SVOP: variants seen among roughly 807,000 people sequenced by gnomAD.
SVOP encodes the protein synaptic vesicle 2-related protein.
In SVOP, 17 loss-of-function variants were observed where a neutral mutation model predicts 69.1. That is an observed-to-expected ratio of 0.25 (90% confidence interval 0.17 to 0.37). SVOP has a LOEUF of 0.37. Among genes scored for constraint, SVOP ranks in the 10% least tolerant of loss-of-function variants. SVOP has a pLI of 1.00. For missense variants in SVOP, 435 were observed against 597.5 expected (o/e 0.73, Z 2.84); for synonymous variants, 238 against 238.6 (o/e 1.00, Z 0.02).
intron 7 of SVOP, among the ~76,000 whole-genome samples, chr12:108,941,549 A>C (rs1256083191): frequency 6.6e-6 from 1 of 151,950 alleles, no homozygotes; most frequent in African/African-American, 2.4e-5. Flanking sequence ...TTACCATCTT[A>C]ATCATTTTTA....
Position 109,006,325 on chromosome 12 carries a change from T to C in SVOP, c.35+14509A>G, listed in dbSNP as rs547143229. 2.6e-5 allele frequency among the ~76,000 whole-genome samples: 4 copies of C among 152,282 alleles called. No individual in the cohort carries two copies. In the East Asian group the frequency reaches 7.7e-4, roughly 29 times the overall value. The stretch of plus-strand genomic sequence containing the variant: ...ACCTGGGCCTCCCAAAGTGCTGGGA[T>C]TACAGGGTGACCCACTGTGCCCACC... On this transcript the variant is annotated intron_variant, in intron 1 of 15. Transcript: ENST00000610966.
At chr12:108,997,999 G>T (rs369574088) in intron 1 of SVOP, among the ~76,000 whole-genome samples, 1 of 148,996 alleles carries the variant, frequency 6.7e-6, no homozygotes, top group Non-Finnish European at 1.5e-5. Flanking sequence ...GGCTTCAGAC[G>T]ATCAAATTAC....
At chr12:108,984,310 G>A (rs965545106) in intron 1 of SVOP, among the ~76,000 whole-genome samples, 1 of 152,194 alleles carries the variant, frequency 6.6e-6, no homozygotes, top group East Asian at 1.9e-4. Flanking sequence ...GAGCTACCAC[G>A]CCTGGTGCCA....
intron 5 of SVOP, among the ~76,000 whole-genome samples, chr12:108,969,229 CT>C (rs2040064326): frequency 6.6e-6 from 1 of 151,618 alleles, no homozygotes; most frequent in African/African-American, 2.4e-5. Context: ...TTCTTCTCTC[CT>C]TCCTTCCCTC....
chr12:108,950,214 C>A (rs945118580), intron 6 of SVOP, among the ~76,000 whole-genome samples: 2 of 151,684 alleles, frequency 1.3e-5, no homozygotes, highest in African/African-American at 2.4e-5. Context: ...AGGCATGCAC[C>A]AACATGCCCA....
At chr12:108,938,412 A>G (rs1217872313) in intron 9 of SVOP, among the ~76,000 whole-genome samples, 1 of 152,150 alleles carries the variant, frequency 6.6e-6, no homozygotes, top group African/African-American at 2.4e-5. Context: ...ACACCTACAC[A>G]GGGTGCGGTT....
At chr12:108,939,314 CTGT>C (rs1174050575) in intron 8 of SVOP, among the ~76,000 whole-genome samples, 2 of 152,140 alleles carry the variant, frequency 1.3e-5, no homozygotes, top group Non-Finnish European at 2.9e-5. Context: ...TTATTTGGGG[CTGT>C]TTTCAGAGTT....
At chr12:108,936,090 G>A (rs989787765) in intron 10 of SVOP, among the ~76,000 whole-genome samples, 2 of 151,212 alleles carry the variant, frequency 1.3e-5, no homozygotes, top group Non-Finnish European at 2.9e-5. Context: ...CTGTTGCCCA[G>A]GCTGGAGTGC....
chr12:108,990,247 T>C (rs1194167343), intron 1 of SVOP, among the ~76,000 whole-genome samples: 1 of 152,178 alleles, frequency 6.6e-6, no homozygotes, highest in Non-Finnish European at 1.5e-5. Flanking sequence ...AAGGCACAGC[T>C]CCATCCATGT....
At chr12:109,008,641 G>A (rs1162460838) in intron 1 of SVOP, among the ~76,000 whole-genome samples, 1 of 152,116 alleles carries the variant, frequency 6.6e-6, no homozygotes, top group African/African-American at 2.4e-5. Context: ...TGGTAACTCT[G>A]CTAAGCACAT....
chr12:109,001,752 C>A (rs1359392484), intron 1 of SVOP, among the ~76,000 whole-genome samples: 2 of 150,436 alleles, frequency 1.3e-5, no homozygotes, highest in East Asian at 2.0e-4. Context: ...AACTGGCTAG[C>A]CATATGTAGG....
intron 5 of SVOP, among the ~76,000 whole-genome samples, chr12:108,964,684 T>G (rs959585444): frequency 2.6e-5 from 4 of 152,108 alleles, no homozygotes; most frequent in African/African-American, 9.7e-5. Flanking sequence ...CCCCACCCAA[T>G]AGCTTGTTTG....
intron 1 of SVOP, among the ~76,000 whole-genome samples, chr12:108,997,254 G>C (rs1171759164): frequency 2.0e-5 from 3 of 151,948 alleles, no homozygotes; most frequent in African/African-American, 7.3e-5. Context: ...TTTTCAGACC[G>C]GCTTAAAAAA....
chr12:109,014,217 T>C (rs543374464), intron 1 of SVOP, among the ~76,000 whole-genome samples: 2 of 152,256 alleles, frequency 1.3e-5, no homozygotes, highest in South Asian at 4.1e-4. Flanking sequence ...GGTTTCACCA[T>C]GTTGGCCAGG....
Position 108,916,098 on chromosome 12 carries a change from G to A in SVOP, c.1351-226C>T, listed in dbSNP as rs561419082. Among the ~76,000 whole-genome samples, 3 of 152,228 alleles carry A rather than the reference G, an allele frequency of 2.0e-5. No individual in the cohort carries two copies. The South Asian group carries it at 6.2e-4, about 32-fold the overall frequency. ...GCTGCGGGTGGGAACCCAGTAAAGG[G>A]GTCCACTCTGTCCTGGGGGGGGCTC... On this transcript the variant is annotated intron_variant, in intron 14 of 15. Transcript: ENST00000610966.
intron 1 of SVOP, among the ~76,000 whole-genome samples, chr12:109,019,898 A>G (rs1291439615): frequency 6.6e-6 from 1 of 152,218 alleles, no homozygotes; most frequent in East Asian, 1.9e-4. Context: ...ACCATTTTTA[A>G]AATCAAGAAA....
Position 108,983,316 on chromosome 12 carries a change from CCAT to C in SVOP, c.196+282_196+284del, listed in dbSNP as rs1296630109. Among the ~76,000 whole-genome samples the C allele has an allele frequency of 2.2e-3, 333 of 151,734 alleles. 3 individuals carry two copies. The highest frequency in any genetic ancestry group is 7.0e-3 in the African/African-American group (288 of 41,374). Reference sequence around the variant, plus strand: ...ATCATTGCCACCATCATCACCACCACCATCATCATCATCATCATCACCATCATC... The same window carrying C: ...ATCATTGCCACCATCATCACCACCACCATCATCATCATCATCACCATCATC... On this transcript the variant is annotated intron_variant, in intron 2 of 15. Coordinates refer to ENST00000610966, the MANE Select transcript of SVOP (RefSeq NM_018711.5).
chr12:108,943,987 T>C lies in SVOP; in HGVS notation c.642+1116A>G, dbSNP rs1390676442. ...ACTTCCACCTCCTGGGTTCAAGCAA[T>C]TCTCCTGCCTCAGCCTCCCAACTAG... On this transcript the variant is annotated intron_variant, in intron 7 of 15. Coordinates refer to ENST00000610966, the MANE Select transcript of SVOP (RefSeq NM_018711.5). Among the ~76,000 whole-genome samples the C allele has an allele frequency of 2.0e-5, 3 of 151,966 alleles. No homozygotes were observed. In the East Asian group the frequency reaches 5.8e-4, roughly 29 times the overall value.
At position 109,014,698 on chromosome 12, in the gene SVOP, C is replaced by T. The variant is rs144247253; in HGVS notation, c.35+6136G>A. On this transcript the variant is annotated intron_variant, in intron 1 of 15. Transcript: ENST00000610966. ...TCCAATTTCTCTACATCCTCACCAA[C>T]ATTTGTTATTTTCTGATTTTTTTGG... Among the ~76,000 whole-genome samples the T allele has an allele frequency of 1.5e-4, 23 of 152,228 alleles. No individual in the cohort carries two copies. In the East Asian group the frequency reaches 3.3e-3, roughly 22 times the overall value.
Sources: gnomAD v4.1 joint callset for allele counts (sites outside exome capture counted in the v4.1 genomes callset) on GRCh38, gnomAD v4.1.1 for gene constraint, MANE v1.5 for transcripts, NCBI Gene and HGNC (gene_info 2026-07-23, HGNC 2026-07-21) for gene names.